The following RBM20 variants were observed in gnomAD, a reference collection of about 807,000 sequenced individuals.
RBM20 encodes the protein RNA-binding protein 20.
RBM20 carries 51 observed loss-of-function variants against 110.1 expected under a neutral mutation model. That is an observed-to-expected ratio of 0.46 (90% CI 0.37 to 0.59). The LOEUF (loss-of-function observed/expected upper bound fraction) is 0.59, where lower values mean the gene tolerates loss of function less well. RBM20 is among the 20% of genes least tolerant of loss of function. The pLI, the probability that RBM20 is intolerant of heterozygous loss-of-function variation, is 0.00. For synonymous variants in RBM20, 589 were observed against 618.2 expected (o/e 0.95, Z 0.70); for missense variants, 1,512 against 1,574.9 (o/e 0.96, Z 0.68).
chr10:110,774,923 G>A (rs1844241760), intron 1 of RBM20, among the ~76,000 whole-genome samples: 1 of 151,936 alleles, frequency 6.6e-6, no homozygotes, highest in African/African-American at 2.4e-5. Context: ...TTTTGATCTA[G>A]GAAAGATAAA....
Position 110,767,157 on chromosome 10 carries a change from G to A in RBM20, c.192-13644G>A, listed in dbSNP as rs1178886815. Among the ~76,000 whole-genome samples the A allele has an allele frequency of 1.1e-3, 122 of 107,382 alleles. 2 individuals are homozygous for A. Among genetic ancestry groups the A allele is most frequent in the African/African-American group, 3.7e-3 (116 of 31,314 alleles). The allele number at this position is 107,382 out of a possible 152,430, so 70.4% of individuals were successfully genotyped here. On this transcript the variant is annotated intron_variant, in intron 1 of 13. Transcript: ENST00000369519. ...TCCCGGATGGGGTGGCTGGCCGGGC[G>A]GGGGGCTGACCCCCCCCACCTCCCT...
In RBM20 at chr10:110,812,262, C is replaced by T. The variant is rs1441327442; in HGVS notation, c.1881-16C>T. The T allele has an allele frequency of 2.1e-5, 32 of 1,530,438 alleles. No individual in the cohort carries two copies. In the East Asian group the frequency reaches 7.1e-4, roughly 34 times the overall value. 94.8% of individuals were successfully genotyped at this position (1,530,438 alleles called of 1,614,324 possible). On this transcript the variant is annotated splice_polypyrimidine_tract_variant and intron_variant, in intron 8 of 13. Transcript: ENST00000369519. ...GGTGTGAAGATTCTAAATCCTGCTC[C>T]TTGGCTCCCTCACAGATATGGCCCA...
chr10:110,827,027 A>G (rs1444609529), intron 12 of RBM20, among the ~76,000 whole-genome samples: 1 of 152,186 alleles, frequency 6.6e-6, no homozygotes, highest in African/African-American at 2.4e-5. Context: ...ATTTGTTAAT[A>G]GTCTTCAGTT....
chr10:110,818,422 A>G (rs1053749284), intron 9 of RBM20, among the ~76,000 whole-genome samples: 21 of 152,192 alleles, frequency 1.4e-4, no homozygotes, highest in Non-Finnish European at 2.8e-4. Context: ...GTGGGAGACC[A>G]GTTTCGAAGT....
chr10:110,767,222 C>A (rs1490539875), intron 1 of RBM20, among the ~76,000 whole-genome samples: 8 of 131,906 alleles, frequency 6.1e-5, no homozygotes, highest in East Asian at 2.4e-4. Context: ...GGCTGACCCC[C>A]CCACCTCCCT....
At chr10:110,807,925 C>T (rs373933531) in intron 7 of RBM20, among the ~76,000 whole-genome samples, 17 of 152,324 alleles carry the variant, frequency 1.1e-4, no homozygotes, top group Non-Finnish European at 2.2e-4. Flanking sequence ...GGGAGGGACC[C>T]GGGGTGTGGC....
At chr10:110,721,117 C>A (rs1457313778) in intron 1 of RBM20, among the ~76,000 whole-genome samples, 2 of 152,232 alleles carry the variant, frequency 1.3e-5, no homozygotes, top group African/African-American at 2.4e-5. Context: ...ATCTCAAGCA[C>A]CCCGTAATCC....
At chr10:110,788,871 G>A (rs1241496725) in intron 5 of RBM20, among the ~76,000 whole-genome samples, 2 of 152,118 alleles carry the variant, frequency 1.3e-5, no homozygotes, top group Non-Finnish European at 2.9e-5. Flanking sequence ...TCCAATGAAT[G>A]CCCAGTGAGT....
At chr10:110,778,703 T>C (rs941604939) in intron 1 of RBM20, among the ~76,000 whole-genome samples, 1 of 152,258 alleles carries the variant, frequency 6.6e-6, no homozygotes, top group Non-Finnish European at 1.5e-5. Context: ...TGAACATATT[T>C]CCTGATGACA....
chr10:110,799,587 C>T (rs1844595101), intron 6 of RBM20, among the ~76,000 whole-genome samples, 200 bp from the exon 7 acceptor site: 1 of 152,158 alleles, frequency 6.6e-6, no homozygotes, highest in Admixed American at 6.5e-5. Flanking sequence ...AGAGCATTTC[C>T]AGAATGTCAG....
At chr10:110,805,156 T>C (rs1435641293) in intron 7 of RBM20, among the ~76,000 whole-genome samples, 1 of 152,180 alleles carries the variant, frequency 6.6e-6, no homozygotes, top group Non-Finnish European at 1.5e-5. Flanking sequence ...ATTATTCTTG[T>C]GCAAAATTAC....
intron 1 of RBM20, among the ~76,000 whole-genome samples, chr10:110,740,593 C>G (rs1168967302): frequency 6.6e-6 from 1 of 152,124 alleles, no homozygotes; most frequent in African/African-American, 2.4e-5. Context: ...TCCCCCATGT[C>G]TCCCTCTCCC....
At chr10:110,669,768 A>G (rs563455142) in intron 1 of RBM20, among the ~76,000 whole-genome samples, 9 of 152,272 alleles carry the variant, frequency 5.9e-5, no homozygotes, top group African/African-American at 2.2e-4. Context: ...CCAAACTGAC[A>G]TTTTTGGGTC....
chr10:110,798,867 A>G (rs1361647851), intron 6 of RBM20, among the ~76,000 whole-genome samples: 1 of 152,184 alleles, frequency 6.6e-6, no homozygotes, highest in Non-Finnish European at 1.5e-5. Flanking sequence ...TACAAACCAA[A>G]CAAATCCAAA....
At chr10:110,649,215 T>G (rs1367067214) in intron 1 of RBM20, among the ~76,000 whole-genome samples, 1 of 152,036 alleles carries the variant, frequency 6.6e-6, no homozygotes, top group African/African-American at 2.4e-5. Flanking sequence ...TTATCCAGTT[T>G]CTTTCTTTCC....
intron 13 of RBM20, among the ~76,000 whole-genome samples, chr10:110,831,686 A>AAAAC (rs1554844437): frequency 7.5e-6 from 1 of 134,170 alleles, no homozygotes; most frequent in East Asian, 2.3e-4. Context: ...AAAAAAAAAA[A>AAAAC]AAAAACACTG....
At chr10:110,658,523 C>T (rs891015124) in intron 1 of RBM20, among the ~76,000 whole-genome samples, 1 of 152,150 alleles carries the variant, frequency 6.6e-6, no homozygotes, top group Non-Finnish European at 1.5e-5. Flanking sequence ...TTCCAAGTTG[C>T]GTGCCCTCCT....
intron 5 of RBM20, among the ~76,000 whole-genome samples, chr10:110,787,031 A>G (rs927331677): frequency 1.3e-5 from 2 of 152,110 alleles, no homozygotes; most frequent in African/African-American, 4.8e-5. Context: ...ACCCTTTCCT[A>G]TGGACTTGGC....
At chr10:110,811,390 C>T (rs886215053) in intron 8 of RBM20, among the ~76,000 whole-genome samples, 1 of 152,162 alleles carries the variant, frequency 6.6e-6, no homozygotes, top group Non-Finnish European at 1.5e-5. Context: ...CAGAGTGTAT[C>T]TGTATATATG....
Sources: gnomAD v4.1 joint callset for allele counts (sites outside exome capture counted in the v4.1 genomes callset) on GRCh38, gnomAD v4.1.1 for gene constraint, MANE v1.5 for transcripts, NCBI Gene and HGNC (gene_info 2026-07-23, HGNC 2026-07-21) for gene names.